The following CLASRP variants were observed in gnomAD, a reference collection of about 807,000 sequenced individuals.
CLASRP encodes the protein CLK4-associating serine/arginine rich protein.
CLASRP carries 52 observed loss-of-function variants against 99.9 expected under a neutral mutation model. That is an observed-to-expected ratio of 0.52 (90% CI 0.42 to 0.66). CLASRP has a LOEUF of 0.66. Among genes scored for constraint, CLASRP ranks in the 30% least tolerant of loss-of-function variants. CLASRP has a pLI of 0.00. For missense variants in CLASRP, 848 were observed against 999.2 expected (o/e 0.85, Z 2.04); for synonymous variants, 379 against 373.0 (o/e 1.02, Z -0.18).
chr19:45,055,674 A>G (rs1972107154), intron 5 of CLASRP, among the ~76,000 whole-genome samples: 1 of 152,120 alleles, frequency 6.6e-6, no homozygotes, highest in Admixed American at 6.6e-5. Context: ...TCTGTACTAA[A>G]AGTACAAAAT....
intron 2 of CLASRP, chr19:45,040,789 C>T (rs897992675): frequency 6.3e-6 from 1 of 159,846 alleles, no homozygotes; most frequent in African/African-American, 2.4e-5. Context: ...AAGGGTGAAA[C>T]CCCATCTCTA....
chr19:45,053,422 CTG>C (rs1972064254), intron 5 of CLASRP, among the ~76,000 whole-genome samples: 1 of 152,092 alleles, frequency 6.6e-6, no homozygotes. Context: ...CCTTCTGACT[CTG>C]TGGTCCGTTT....
At position 45,060,618 on chromosome 19, in the gene CLASRP, GCCCA is replaced by G; in HGVS notation, c.859_862del (p.Pro287AlafsTer221). Reference sequence around the variant, plus strand: ...AAGCGGCTGAGGGGTCGCAAGATCAGCCCACCCAGGTAGGGCTTCTCCCTGAACC... The same window carrying G: ...AAGCGGCTGAGGGGTCGCAAGATCAGCCCAGGTAGGGCTTCTCCCTGAACC... On this transcript the variant is annotated frameshift_variant, in exon 10 of 21. Transcript: ENST00000221455. LOFTEE classifies it high-confidence loss of function. The surrounding 1 kb of genome is among the most constrained non-coding windows in gnomAD (Gnocchi z 4.6). 6.2e-7 allele frequency: 1 copy of G among 1,603,010 alleles called. No homozygotes were observed. The highest frequency in any genetic ancestry group is 8.5e-7 in the Non-Finnish European group (1 of 1,175,606).
In CLASRP at chr19:45,059,354, G is replaced by C; in HGVS notation, c.700G>C (p.Asp234His). ...QATTYGMADG[D>H]FVRMLRKDKE... ...CACGACTTATGGCATGGCCGACGGT[G>C]ACTTCGTCAGGTGAGGCCTGCCTGC... Residue 234 changes from aspartate to histidine, a missense_variant, in exon 8 of 21, where the codon GAC becomes CAC. Asp to His is a moderately conservative substitution (Grantham distance 81, BLOSUM62 -1). This residue lies in a region of CLASRP where 119 missense variants were observed against 170.2 expected (regional missense o/e 0.70). Coordinates refer to ENST00000221455, the MANE Select transcript of CLASRP (RefSeq NM_007056.3). The C allele has an allele frequency of 1.3e-6, 2 of 1,589,112 alleles. No individual in the cohort carries two copies. Among genetic ancestry groups the C allele is most frequent in the Non-Finnish European group, 1.7e-6 (2 of 1,167,134 alleles).
In CLASRP at chr19:45,064,070, C is replaced by G; in HGVS notation, c.964C>G (p.Arg322Gly). Reference sequence around the variant, plus strand: ...CCGCTCCCGCTCCCCGACCCCGGGCCGCGAGGAGAAGATCACGTTCATCAC... The same window carrying G: ...CCGCTCCCGCTCCCCGACCCCGGGCGGCGAGGAGAAGATCACGTTCATCAC... ...RSRSRSPTPG[R>G]EEKITFITSF... is the part of the protein sequence containing the mutation. Residue 322 changes from arginine (R) to glycine (G), a missense_variant, in exon 12 of 21, where the codon CGC becomes GGC. Transcript: ENST00000221455. 2 of 1,612,350 alleles carry G rather than the reference C, an allele frequency of 1.2e-6. No individual in the cohort carries two copies. The highest frequency in any genetic ancestry group is 2.7e-5 in the African/African-American group (2 of 74,910).
intron 20 of CLASRP, 83 bp from the exon 21 acceptor site, chr19:45,070,720 C>A: frequency 5.2e-6 from 7 of 1,344,888 alleles, no homozygotes; most frequent in Non-Finnish European, 7.5e-6. Flanking sequence ...AGACAAGTGC[C>A]CCGATCACTG....
chr19:45,069,919 T>G, intron 18 of CLASRP, 103 bp from the exon 19 acceptor site: 1 of 690,094 alleles, frequency 1.4e-6, no homozygotes, highest in Non-Finnish European at 2.7e-6. Flanking sequence ...CCGGCCCCCT[T>G]GGTTTACTGT....
rs575341051 is a variant in CLASRP, at chr19:45,065,998, C to G, written c.1410-1339C>G. ...GGGGCCAGGTAGAGATCCTGCTGAC[C>G]TGGCAAGCACATGTTCCCTCCAGTC... On this transcript the variant is annotated intron_variant, in intron 13 of 20. Coordinates refer to ENST00000221455, the MANE Select transcript of CLASRP (RefSeq NM_007056.3). Among the ~76,000 whole-genome samples, 12 of 152,322 alleles carry G rather than the reference C, an allele frequency of 7.9e-5. No homozygotes were observed. In the East Asian group the frequency reaches 1.9e-3, roughly 25 times the overall value.
chr19:45,068,327 C>CG (rs1967144460), intron 15 of CLASRP, 93 bp from the exon 16 acceptor site: 2 of 645,424 alleles, frequency 3.1e-6, no homozygotes, highest in South Asian at 3.7e-5. Flanking sequence ...CCCCACCCCC[C>CG]CCCCGCACAA....
chr19:45,068,233 C>T (rs1220727488), intron 15 of CLASRP, 179 bp downstream of exon 15: 1 of 668,968 alleles, frequency 1.5e-6, no homozygotes, highest in Admixed American at 2.2e-5. Flanking sequence ...CCTCACTGTA[C>T]ACTGGGGCTC....
intron 13 of CLASRP, among the ~76,000 whole-genome samples, chr19:45,065,693 A>G (rs1368146010): frequency 6.6e-6 from 1 of 150,456 alleles, no homozygotes; most frequent in Non-Finnish European, 1.5e-5. Context: ...TGTTGGGGTC[A>G]GGGCTGCCCT....
chr19:45,045,253 C>T (rs1448871156), intron 2 of CLASRP, among the ~76,000 whole-genome samples: 5 of 152,222 alleles, frequency 3.3e-5, no homozygotes, highest in Admixed American at 2.6e-4. Flanking sequence ...CAGTGGCTCA[C>T]GCCTGTAATC....
At chr19:45,070,388 G>A in intron 19 of CLASRP, 149 bp from the exon 20 acceptor site, 1 of 771,424 alleles carries the variant, frequency 1.3e-6, no homozygotes, top group South Asian at 1.5e-5. Flanking sequence ...CTGGTGAGGG[G>A]CACAGATGGC....
In CLASRP at chr19:45,064,331, C is replaced by T; in HGVS notation, c.1122-12C>T. ...GGCCTGCGCTGACCGGCCCTCCGTG[C>T]CCCGCCTGCAGCCGCCGCTCCTCCT... On this transcript the variant is annotated splice_polypyrimidine_tract_variant and intron_variant, in intron 12 of 20. Transcript: ENST00000221455. 2 of 1,521,700 alleles carry T rather than the reference C, an allele frequency of 1.3e-6. No homozygotes were observed. The highest frequency in any genetic ancestry group is 1.4e-5 in the African/African-American group (1 of 72,900). 94.3% of individuals were successfully genotyped at this position (1,521,700 alleles called of 1,614,324 possible). A position where few individuals can be genotyped will look rare whatever the true frequency, so the allele number is the denominator to read the frequency against.
At chr19:45,041,412 A>G (rs964490178) in intron 2 of CLASRP, among the ~76,000 whole-genome samples, 6 of 151,762 alleles carry the variant, frequency 4.0e-5, no homozygotes, top group South Asian at 2.1e-4. Flanking sequence ...CTGGCCTTCT[A>G]TTTCTGCCAC....
rs1967228588 is a variant in CLASRP, at chr19:45,070,856, GGGGGGTGGGGAGGACAA to G, written c.*21_*37del. The G allele has an allele frequency of 1.3e-5, 20 of 1,553,776 alleles. No individual in the cohort carries two copies. Among genetic ancestry groups the G allele is most frequent in the Non-Finnish European group, 1.7e-5 (19 of 1,129,474 alleles). ...CATTACCGACATTAGGCAGAAGAGT[GGGGGGTGGGGAGGACAA>G]GGGGGTGGGTAAGGGGCTCAAGCTG... On this transcript the variant is annotated 3_prime_UTR_variant, in exon 21 of 21. Coordinates refer to ENST00000221455, the MANE Select transcript of CLASRP (RefSeq NM_007056.3).
rs943433309 is a variant in CLASRP, at chr19:45,052,775, T to C, written c.198-16T>C. The C allele has an allele frequency of 1.3e-6, 2 of 1,595,934 alleles. No homozygotes were observed. The highest frequency in any genetic ancestry group is 2.2e-5 in the East Asian group (1 of 44,764). On this transcript the variant is annotated splice_polypyrimidine_tract_variant and intron_variant, in intron 3 of 20. Transcript: ENST00000221455. ...GACCCTGAGGTTCTTGCTTTCTTGC[T>C]CCCCTCCCACTTCAGGATGCCCTGG...
In CLASRP at chr19:45,069,229, G is replaced by GC; in HGVS notation, c.1858dup (p.Arg620ProfsTer75). ...GCGGGAAGACGAGCTTCGAGCCATG[G>GC]CCCGCAAGATCCGCATGAAGTAAGA... On this transcript the variant is annotated frameshift_variant, in exon 18 of 21. Coordinates refer to ENST00000221455, the MANE Select transcript of CLASRP (RefSeq NM_007056.3). LOFTEE classifies it high-confidence loss of function. The GC allele has an allele frequency of 3.7e-6, 6 of 1,613,794 alleles. No homozygotes were observed. The highest frequency in any genetic ancestry group is 4.2e-6 in the Non-Finnish European group (5 of 1,180,018).
Position 45,064,492 on chromosome 19 carries a change from G to T in CLASRP, c.1271G>T (p.Arg424Leu), listed in dbSNP as rs1967032134. ...HARSRSRSWS[R>L]SRSRSRRYSR... ...CGCTCCCGGTCCCGCTCCTGGTCCC[G>T]CTCCCGCTCCCGCTCCCGGCGCTAT... is the stretch of plus-strand genomic sequence containing the variant. The change falls in exon 13 of 21, where the codon CGC becomes CTC. Residue 424 changes from arginine (R) to leucine (L), a missense_variant. By Grantham distance (102) the Arg-to-Leu change is moderately radical. Coordinates refer to ENST00000221455, the MANE Select transcript of CLASRP (RefSeq NM_007056.3). 1.3e-6 allele frequency: 2 copies of T among 1,532,484 alleles called. No homozygotes were observed. Among genetic ancestry groups the T allele is most frequent in the South Asian group, 2.4e-5 (2 of 83,750 alleles). 94.9% of individuals were successfully genotyped at this position (1,532,484 alleles called of 1,614,324 possible).
Sources: allele counts gnomAD v4.1 joint callset (sites outside exome capture counted in the v4.1 genomes callset), GRCh38; gene constraint gnomAD v4.1.1; regional missense constraint gnomAD v4.1.1; non-coding constraint Gnocchi (gnomAD v3.1); transcripts MANE v1.5; gene names NCBI Gene and HGNC (gene_info 2026-07-23, HGNC 2026-07-21).